Variants in PEAK1 observed in about 807,000 individuals in gnomAD.
The protein encoded by PEAK1 is inactive tyrosine-protein kinase PEAK1.
Under a neutral mutation model 124.7 loss-of-function variants are expected in PEAK1, and 54 were observed. The ratio of observed to expected loss-of-function variants is 0.43; its 90% confidence interval spans 0.35 to 0.54. The LOEUF (loss-of-function observed/expected upper bound fraction) is 0.54. Ranked by LOEUF, PEAK1 falls within the 20% of genes least tolerant of loss-of-function variation. PEAK1 has a pLI of 0.01. For missense variants in PEAK1, 2,046 were observed against 2,134.5 expected, an observed-to-expected ratio of 0.96 and a Z score of 0.82; for synonymous variants, 719 against 760.0, an observed-to-expected ratio of 0.95 and a Z score of 0.89.
intron 7 of PEAK1, among the ~76,000 whole-genome samples, chr15:77,160,092 C>G (rs1388034612): frequency 6.6e-6 from 1 of 152,014 alleles, no homozygotes; most frequent in Non-Finnish European, 1.5e-5. Context: ...CATACTGCCT[C>G]TTCTCGATGG....
At chr15:77,182,653 G>A (rs952482714) in intron 6 of PEAK1, among the ~76,000 whole-genome samples, 3 of 150,820 alleles carry the variant, frequency 2.0e-5, no homozygotes, top group Non-Finnish European at 3.0e-5. Context: ...TCAGGAAGCT[G>A]AGGCAGGAGG....
At chr15:77,247,978 G>C (rs1008016686) in intron 6 of PEAK1, among the ~76,000 whole-genome samples, 4 of 152,098 alleles carry the variant, frequency 2.6e-5, no homozygotes, top group Non-Finnish European at 4.4e-5. Context: ...TATAAAATGA[G>C]TTGGGAAGTG....
chr15:77,418,779 A>G lies in PEAK1; in HGVS notation c.-666+1227T>C, dbSNP rs2073098425. 10 of 985,408 alleles carry G rather than the reference A, an allele frequency of 1.0e-5. No individual in the cohort carries two copies. The South Asian group carries it at 4.2e-4, about 42-fold the overall frequency. 61.0% of individuals were successfully genotyped at this position (985,408 alleles called of 1,614,324 possible). Reference sequence around the variant, plus strand: ...TTTCACTTCCACACTGCAGAGAGCAATATGGGTTCTCTGACTATACACATC... The same window carrying G: ...TTTCACTTCCACACTGCAGAGAGCAGTATGGGTTCTCTGACTATACACATC... On this transcript the variant is annotated intron_variant, in intron 1 of 9. Transcript: ENST00000682557.
At chr15:77,143,388 A>G (rs1336946872) in intron 8 of PEAK1, among the ~76,000 whole-genome samples, 1 of 152,150 alleles carries the variant, frequency 6.6e-6, no homozygotes, top group Non-Finnish European at 1.5e-5. Context: ...CCCTCACCAC[A>G]CAAACCACTA....
intron 7 of PEAK1, chr15:77,178,549 C>T (rs1009630695): frequency 1.2e-5 from 6 of 502,386 alleles, no homozygotes; most frequent in Non-Finnish European, 2.1e-5. Flanking sequence ...AGTTCCTCTG[C>T]ATTCACCAGA....
chr15:77,242,319 C>T (rs192834883), intron 6 of PEAK1, among the ~76,000 whole-genome samples: 1 of 152,150 alleles, frequency 6.6e-6, no homozygotes, highest in Admixed American at 6.5e-5. Flanking sequence ...AGGTCTTTCA[C>T]CTTTTAAATT....
chr15:77,230,449 T>C (rs951397223), intron 6 of PEAK1, among the ~76,000 whole-genome samples: 27 of 152,118 alleles, frequency 1.8e-4, no homozygotes, highest in Non-Finnish European at 1.9e-4. Flanking sequence ...TCCACCCGCC[T>C]TGGCCTCTCA....
chr15:77,342,296 C>A (rs867046510), intron 2 of PEAK1, among the ~76,000 whole-genome samples: 1 of 151,892 alleles, frequency 6.6e-6, no homozygotes, highest in East Asian at 1.9e-4. Flanking sequence ...AAACTTATAC[C>A]CATTAAGAAT....
chr15:77,135,588 C>T (rs1360910951), intron 8 of PEAK1, among the ~76,000 whole-genome samples: 1 of 152,162 alleles, frequency 6.6e-6, no homozygotes, highest in African/African-American at 2.4e-5. Flanking sequence ...GGCTGTGTCC[C>T]CACCCAAATC....
At chr15:77,351,748 G>C in intron 2 of PEAK1, 1 of 985,382 alleles carries the variant, frequency 1.0e-6, no homozygotes, top group African/African-American at 1.7e-5. Flanking sequence ...GGGCACAGAG[G>C]TTCTCCAACA....
At chr15:77,393,127 T>A (rs2070614436) in intron 1 of PEAK1, among the ~76,000 whole-genome samples, 1 of 152,164 alleles carries the variant, frequency 6.6e-6, no homozygotes, top group Admixed American at 6.5e-5. Flanking sequence ...GAACCTGAGT[T>A]CCAGAGAGCC....
chr15:77,261,185 A>C (rs1270362128), intron 5 of PEAK1, among the ~76,000 whole-genome samples: 1 of 152,228 alleles, frequency 6.6e-6, no homozygotes, highest in Non-Finnish European at 1.5e-5. Flanking sequence ...AACAGAGCAG[A>C]AACACTGAAA....
In PEAK1 at chr15:77,298,367, C is replaced by T. The variant is rs531063966; in HGVS notation, c.-602-11863G>A. ...CCGAGTAGCTGGGACTACAGGCGCC[C>T]GCCACCACGCCCAGCTAATTTTTGG... On this transcript the variant is annotated intron_variant, in intron 2 of 9. Coordinates refer to ENST00000682557, the MANE Select transcript of PEAK1 (RefSeq NM_001385026.1). 2.1e-4 allele frequency among the ~76,000 whole-genome samples: 31 copies of T among 150,860 alleles called. No individual in the cohort carries two copies. In the East Asian group the frequency reaches 2.8e-3, roughly 14 times the overall value.
At chr15:77,216,625 G>T (rs2059159456) in intron 6 of PEAK1, among the ~76,000 whole-genome samples, 1 of 152,168 alleles carries the variant, frequency 6.6e-6, no homozygotes, top group Admixed American at 6.5e-5. Flanking sequence ...GCCTGCACTG[G>T]CAGTCCATTC....
In PEAK1 at chr15:77,413,718, G is replaced by C. The variant is rs1394962260; in HGVS notation, c.-666+6288C>G. Among the ~76,000 whole-genome samples, 5 of 152,204 alleles carry C rather than the reference G, an allele frequency of 3.3e-5. No individual in the cohort carries two copies. In the East Asian group the frequency reaches 9.6e-4, roughly 29 times the overall value. On this transcript the variant is annotated intron_variant, in intron 1 of 9. Coordinates refer to ENST00000682557, the MANE Select transcript of PEAK1 (RefSeq NM_001385026.1). The stretch of plus-strand genomic sequence containing the variant: ...AAAATATTAAAGCAGTTTGAAGCTT[G>C]GTTGAAGCATCGTACCAATACTAAT...
At chr15:77,343,390 A>G (rs890535093) in intron 2 of PEAK1, among the ~76,000 whole-genome samples, 1 of 147,206 alleles carries the variant, frequency 6.8e-6, no homozygotes, top group Admixed American at 6.8e-5. Flanking sequence ...ATTTGCAAAT[A>G]TTTTCTCCCA....
chr15:77,361,534 C>A (rs2141569222), intron 2 of PEAK1, among the ~76,000 whole-genome samples: 1 of 152,298 alleles, frequency 6.6e-6, no homozygotes, highest in Admixed American at 6.5e-5. Flanking sequence ...TATCATCTCA[C>A]CCCAATTAGG....
intron 2 of PEAK1, chr15:77,356,009 T>C (rs2067495711): frequency 1.1e-6 from 1 of 913,456 alleles, no homozygotes; most frequent in Non-Finnish European, 1.3e-6. Flanking sequence ...CTACTAAAGT[T>C]CTATTTTGCT....
intron 2 of PEAK1, among the ~76,000 whole-genome samples, chr15:77,307,113 T>G (rs571597835): frequency 3.9e-5 from 6 of 152,140 alleles, no homozygotes; most frequent in South Asian, 2.1e-4. Context: ...TTATTTTTAT[T>G]ATTAAACCAT....
Sources: allele counts gnomAD v4.1 joint callset (sites outside exome capture counted in the v4.1 genomes callset), GRCh38; gene constraint gnomAD v4.1.1; transcripts MANE v1.5; gene names NCBI Gene and HGNC (gene_info 2026-07-23, HGNC 2026-07-21).